The following GALNTL6 variants were observed in gnomAD, a reference collection of about 807,000 sequenced individuals.
The protein encoded by GALNTL6 is polypeptide N-acetylgalactosaminyltransferase like 6, also known as polypeptide N-acetylgalactosaminyltransferase-like 6.
A neutral mutation model predicts 73.7 loss-of-function variants in GALNTL6; 46 were observed. That is an observed-to-expected ratio of 0.62 (90% CI 0.49 to 0.80). The LOEUF is 0.80. Ranked by LOEUF, GALNTL6 falls within the 30% of genes least tolerant of loss-of-function variation. The probability of loss-of-function intolerance (pLI) is 0.00; values close to 1 mark genes in which losing one functional copy is unlikely to be tolerated. For missense variants in GALNTL6, 604 were observed against 755.0 expected (o/e 0.80, Z 2.34); for synonymous variants, 259 against 263.7 (o/e 0.98, Z 0.17).
intron 5 of GALNTL6, among the ~76,000 whole-genome samples, chr4:172,763,004 C>CA (rs66834819): frequency 7.3e-4 from 109 of 148,304 alleles, no homozygotes; most frequent in Middle Eastern, 3.5e-3. Flanking sequence ...TCATTGCAGA[C>CA]AAAAAAAAAA....
chr4:172,763,547 A>G (rs1237775328), intron 5 of GALNTL6, among the ~76,000 whole-genome samples: 1 of 152,246 alleles, frequency 6.6e-6, no homozygotes, highest in African/African-American at 2.4e-5. Flanking sequence ...ATTACAATGA[A>G]CTAAGTAGAC....
At chr4:172,409,287 C>G (rs555293703) in intron 5 of GALNTL6, among the ~76,000 whole-genome samples, 1 of 151,904 alleles carries the variant, frequency 6.6e-6, no homozygotes, top group African/African-American at 2.4e-5. Context: ...CTAGTAACAA[C>G]AATAATCAAC....
chr4:172,072,583 C>T (rs6815499), intron 2 of GALNTL6, among the ~76,000 whole-genome samples: 76,318 of 151,912 alleles, frequency 0.5, 19,575 homozygotes, highest in African/African-American at 0.55. Flanking sequence ...TACCTCACAA[C>T]GTACTGTACT....
At position 171,975,608 on chromosome 4, in the gene GALNTL6, A is replaced by T. The variant is rs75121049; in HGVS notation, c.138+160890A>T. On this transcript the variant is annotated intron_variant, in intron 2 of 12. Coordinates refer to ENST00000506823, the MANE Select transcript of GALNTL6 (RefSeq NM_001034845.3). ...ACTAGAGAAAAGCAAAAGCAAAAGA[A>T]AGTCATACTGGGTGGACAAAAGGGC... 6.8e-4 allele frequency among the ~76,000 whole-genome samples: 103 copies of T among 152,256 alleles called. No homozygotes were observed. In the East Asian group the frequency reaches 0.018, roughly 27 times the overall value.
chr4:172,044,423 T>C (rs988576370), intron 2 of GALNTL6, among the ~76,000 whole-genome samples: 1 of 151,892 alleles, frequency 6.6e-6, no homozygotes, highest in Non-Finnish European at 1.5e-5. Context: ...TTCCAGCATG[T>C]AGTGAGAAGC....
intron 3 of GALNTL6, among the ~76,000 whole-genome samples, chr4:172,243,861 A>T (rs951862697): frequency 6.6e-6 from 1 of 152,146 alleles, no homozygotes; most frequent in Non-Finnish European, 1.5e-5. Flanking sequence ...AGAAGCAGAA[A>T]TGTGCACCAT....
intron 11 of GALNTL6, among the ~76,000 whole-genome samples, chr4:173,015,639 T>C (rs923395675): frequency 6.6e-6 from 1 of 152,094 alleles, no homozygotes; most frequent in African/African-American, 2.4e-5. Flanking sequence ...TTGAGAGTGA[T>C]GATTTAGGGT....
At chr4:172,808,057 A>C (rs1268497530) in intron 5 of GALNTL6, among the ~76,000 whole-genome samples, 2 of 152,186 alleles carry the variant, frequency 1.3e-5, no homozygotes, top group East Asian at 3.8e-4. Context: ...TCCCGAAATC[A>C]GGTGATCCAC....
chr4:172,109,252 C>A (rs1415234724), intron 2 of GALNTL6, among the ~76,000 whole-genome samples: 1 of 49,502 alleles, frequency 2.0e-5, no homozygotes, highest in African/African-American at 6.1e-5. Context: ...GAACATGGAC[C>A]ATTATAATTT....
At chr4:171,984,092 G>C (rs1739994999) in intron 2 of GALNTL6, among the ~76,000 whole-genome samples, 1 of 152,132 alleles carries the variant, frequency 6.6e-6, no homozygotes, top group Non-Finnish European at 1.5e-5. Flanking sequence ...TGCAGAGTAT[G>C]TCTCAGCTGG....
intron 2 of GALNTL6, among the ~76,000 whole-genome samples, chr4:172,001,640 T>C (rs139814986): frequency 6.6e-6 from 1 of 152,272 alleles, no homozygotes; most frequent in Admixed American, 6.5e-5. Context: ...TGGTATTTAA[T>C]TTTGCTTGCC....
At chr4:171,846,940 A>T (rs1294215766) in intron 2 of GALNTL6, among the ~76,000 whole-genome samples, 4 of 145,174 alleles carry the variant, frequency 2.8e-5, no homozygotes, top group Non-Finnish European at 6.0e-5. Flanking sequence ...ATATATACAT[A>T]TAATTATATG....
intron 2 of GALNTL6, among the ~76,000 whole-genome samples, chr4:171,871,378 T>G (rs892312427): frequency 6.6e-6 from 1 of 152,190 alleles, no homozygotes; most frequent in African/African-American, 2.4e-5. Context: ...TGTAACATTT[T>G]CAGACTGTAG....
At chr4:172,442,161 C>T (rs1026830271) in intron 5 of GALNTL6, among the ~76,000 whole-genome samples, 1 of 151,928 alleles carries the variant, frequency 6.6e-6, no homozygotes, top group African/African-American at 2.4e-5. Flanking sequence ...CTTGTATTTC[C>T]CCTTGGAACA....
intron 2 of GALNTL6, among the ~76,000 whole-genome samples, chr4:171,926,539 G>T (rs1389664555): frequency 2.6e-5 from 4 of 152,024 alleles, no homozygotes; most frequent in Non-Finnish European, 5.9e-5. Context: ...CTTCAACTTT[G>T]CTAGGAATCC....
intron 2 of GALNTL6, among the ~76,000 whole-genome samples, chr4:171,954,745 G>A (rs941072023): frequency 6.6e-6 from 1 of 152,112 alleles, no homozygotes; most frequent in Non-Finnish European, 1.5e-5. Flanking sequence ...TGGTGGAGGG[G>A]CATGGTGAGA....
chr4:172,810,377 CA>C (rs200818131), intron 6 of GALNTL6, among the ~76,000 whole-genome samples: 2 of 151,650 alleles, frequency 1.3e-5, no homozygotes, highest in East Asian at 1.9e-4. Context: ...AGCTCGAAAA[CA>C]AAAAAAACCC....
At chr4:172,352,050 C>T (rs1741960938) in intron 5 of GALNTL6, among the ~76,000 whole-genome samples, 1 of 152,094 alleles carries the variant, frequency 6.6e-6, no homozygotes, top group Non-Finnish European at 1.5e-5. Context: ...TTGCTGATTA[C>T]TTAGAATGCA....
rs959361067 is a variant in GALNTL6, at chr4:172,765,543, C to G, written c.554-43818C>G. Reference sequence around the variant, plus strand: ...TTATTATTAAATAATTGTCCATACTCTGAGTAGTCATTTGTTCATTAATTG... The same window carrying G: ...TTATTATTAAATAATTGTCCATACTGTGAGTAGTCATTTGTTCATTAATTG... On this transcript the variant is annotated intron_variant, in intron 5 of 12. Transcript: ENST00000506823. Among the ~76,000 whole-genome samples the G allele has an allele frequency of 4.6e-5, 5 of 107,994 alleles. No individual in the cohort carries two copies. The Admixed American group carries it at 4.7e-4, about 10-fold the overall frequency. 70.8% of individuals were successfully genotyped at this position (107,994 alleles called of 152,430 possible).
Sources: gnomAD v4.1 joint callset for allele counts (sites outside exome capture counted in the v4.1 genomes callset) on GRCh38, gnomAD v4.1.1 for gene constraint, MANE v1.5 for transcripts, NCBI Gene and HGNC (gene_info 2026-07-23, HGNC 2026-07-21) for gene names.